ILDR1: variants seen among roughly 807,000 people sequenced by gnomAD.
ILDR1 encodes immunoglobulin like domain containing receptor 1, also known as immunoglobulin-like domain-containing receptor 1.
Under a neutral mutation model 62.4 loss-of-function variants are expected in ILDR1, and 56 were observed. The ratio of observed to expected loss-of-function variants is 0.90; its 90% CI spans 0.72 to 1.12. The LOEUF (loss-of-function observed/expected upper bound fraction) is 1.12. Among genes scored for constraint, ILDR1 ranks in the 50% most tolerant of loss-of-function variants. ILDR1 has a pLI of 0.00. For missense variants in ILDR1, 736 were observed against 710.6 expected (o/e 1.04, Z -0.41); for synonymous variants, 284 against 277.8 (o/e 1.02, Z -0.22).
At chr3:122,013,774 G>A (rs576126356) in intron 1 of ILDR1, among the ~76,000 whole-genome samples, 7 of 152,132 alleles carry the variant, frequency 4.6e-5, no homozygotes, top group South Asian at 2.1e-4. Flanking sequence ...GGTGGGGAGC[G>A]GAATGATGTC....
chr3:122,056,914 T>C, the ILDR1 span, among the ~76,000 whole-genome samples: 1 of 152,208 alleles, frequency 6.6e-6, no homozygotes, highest in African/African-American at 2.4e-5. Flanking sequence ...TAGGCTGCTG[T>C]CTATATTGAA....
the ILDR1 span, among the ~76,000 whole-genome samples, chr3:122,031,869 G>A: frequency 6.6e-6 from 1 of 152,172 alleles, no homozygotes; most frequent in Non-Finnish European, 1.5e-5. Flanking sequence ...GTCTAAAGCA[G>A]ACATTACACA....
chr3:121,997,565 C>T (rs1576719255), intron 5 of ILDR1, among the ~76,000 whole-genome samples: 2 of 152,300 alleles, frequency 1.3e-5, no homozygotes, highest in Middle Eastern at 3.4e-3. Flanking sequence ...CAGCCCTGAA[C>T]GTGGAGCCAA....
intron 2 of ILDR1, 134 bp downstream of exon 2, chr3:122,006,857 A>G (rs902951111): frequency 6.2e-5 from 56 of 896,214 alleles, no homozygotes; most frequent in Admixed American, 1.3e-4. Flanking sequence ...AAACAGAGGA[A>G]CTACATTAGG....
chr3:122,041,949 G>T, the ILDR1 span, among the ~76,000 whole-genome samples: 1 of 142,742 alleles, frequency 7.0e-6, no homozygotes, highest in Non-Finnish European at 1.5e-5. Flanking sequence ...AAGTTTTAGG[G>T]TACATGTGCA....
chr3:122,059,881 G>A, the ILDR1 span, among the ~76,000 whole-genome samples: 1 of 152,170 alleles, frequency 6.6e-6, no homozygotes, highest in Non-Finnish European at 1.5e-5. Flanking sequence ...GCGGTGTGAA[G>A]ACACAGGGCG....
rs1174794046 is a variant in ILDR1 at position 121,987,389 on chromosome 3, T to C, written c.*978A>G. The C allele has an allele frequency of 6.6e-6, 1 of 152,116 alleles. No individual in the cohort carries two copies. Among genetic ancestry groups the C allele is most frequent in the African/African-American group, 2.4e-5 (1 of 41,420 alleles). The allele number at this position is 152,116 out of a possible 1,614,324, so 9.4% of individuals were successfully genotyped here. On this transcript the variant is annotated 3_prime_UTR_variant, in exon 8 of 8. Transcript: ENST00000344209. ...GCATGTTTTCTTTCTTCCTTATTTA[T>C]ATACTGTGTCATTCCCAAGAAGGAT...
In ILDR1 at chr3:122,003,783, G is replaced by GA. The variant is rs113725472; in HGVS notation, c.379+1460dup. ...GAAGGTATTTACCTTCACGTTTTTAGAAAAAAAAAAATAATAAGAGCAGGG... is the reference window on the plus strand; with the variant it reads ...GAAGGTATTTACCTTCACGTTTTTAGAAAAAAAAAAAATAATAAGAGCAGGG... On this transcript the variant is annotated intron_variant, in intron 3 of 7. Transcript: ENST00000344209. Among the ~76,000 whole-genome samples the GA allele has an allele frequency of 4.5e-3, 652 of 145,518 alleles. 3 individuals are homozygous for GA. Among genetic ancestry groups the GA allele is most frequent in the African/African-American group, 0.014 (567 of 40,018 alleles).
chr3:122,041,220 G>T, the ILDR1 span, among the ~76,000 whole-genome samples: 2 of 152,230 alleles, frequency 1.3e-5, no homozygotes, highest in East Asian at 3.9e-4. Flanking sequence ...GTTGGGAGAT[G>T]GGGCCTAATG....
chr3:122,036,193 C>G, the ILDR1 span, among the ~76,000 whole-genome samples: 2 of 152,326 alleles, frequency 1.3e-5, no homozygotes, highest in South Asian at 4.1e-4. Context: ...GTGGAAGAAA[C>G]TTCTTAGTAG....
chr3:121,988,546 G>T, intron 7 of ILDR1, 138 bp from the exon 8 acceptor site: 1 of 721,142 alleles, frequency 1.4e-6, no homozygotes, highest in South Asian at 1.5e-5. Context: ...AACCTAAAAA[G>T]TATTTCTTTA....
the ILDR1 span, among the ~76,000 whole-genome samples, chr3:122,042,074 AC>A: frequency 1.3e-5 from 1 of 76,746 alleles, no homozygotes; most frequent in Non-Finnish European, 2.5e-5. Flanking sequence ...CCCTCCCCCC[AC>A]CCCACCACAG....
At chr3:122,036,107 G>A in the ILDR1 span, among the ~76,000 whole-genome samples, 4 of 152,348 alleles carry the variant, frequency 2.6e-5, no homozygotes, top group East Asian at 7.7e-4. Context: ...CTTTAGCAAA[G>A]AAACTGGTGG....
chr3:122,053,563 T>G, the ILDR1 span, among the ~76,000 whole-genome samples: 1 of 152,208 alleles, frequency 6.6e-6, no homozygotes, highest in Non-Finnish European at 1.5e-5. Flanking sequence ...TTTGTGTGTA[T>G]GAGACAAGGT....
At chr3:122,026,860 T>A (rs200158261), upstream of ILDR1, among the ~76,000 whole-genome samples, 24 of 152,186 alleles carry the variant, frequency 1.6e-4, no homozygotes, top group East Asian at 4.6e-3. Flanking sequence ...AGGCTGAAAA[T>A]GAAGAGTAAA....
the ILDR1 span, among the ~76,000 whole-genome samples, chr3:122,042,061 C>A: frequency 9.5e-6 from 1 of 105,270 alleles, no homozygotes; most frequent in Non-Finnish European, 1.9e-5. Context: ...TGCTATCCCT[C>A]CCCCCTCCCC....
chr3:122,046,592 A>G, the ILDR1 span, among the ~76,000 whole-genome samples: 1 of 150,212 alleles, frequency 6.7e-6, no homozygotes, highest in East Asian at 2.0e-4. Flanking sequence ...ACATAGTCCC[A>G]TATTTCTTGG....
At chr3:122,001,995 C>A (rs2071535727) in intron 3 of ILDR1, 131 bp from the exon 4 acceptor site, 2 of 1,081,848 alleles carry the variant, frequency 1.8e-6, no homozygotes, top group Non-Finnish European at 2.7e-6. Context: ...AAAAAATTAT[C>A]CAGCCATGGT....
At chr3:122,009,367 G>C (rs113202306) in intron 1 of ILDR1, among the ~76,000 whole-genome samples, 1 of 57,948 alleles carries the variant, frequency 1.7e-5, no homozygotes, top group African/African-American at 5.3e-5. Context: ...ACACACACAG[G>C]CTTTAGATTC....
Sources: gnomAD v4.1 joint callset for allele counts (sites outside exome capture counted in the v4.1 genomes callset) on GRCh38, gnomAD v4.1.1 for gene constraint, MANE v1.5 for transcripts, NCBI Gene and HGNC (gene_info 2026-07-23, HGNC 2026-07-21) for gene names.